The following CDYL2 variants were observed in gnomAD, a reference collection of about 807,000 sequenced individuals.
The protein encoded by CDYL2 is chromodomain Y like 2, also known as chromodomain Y-like protein 2.
In CDYL2, 23 loss-of-function variants were observed where a neutral mutation model predicts 49.4. The observed-to-expected ratio is 0.47, with a 90% CI of 0.34 to 0.66. The LOEUF is 0.66. Ranked by LOEUF, CDYL2 falls within the 30% of genes least tolerant of loss-of-function variation. The pLI is 0.01. For missense variants in CDYL2, 678 were observed against 656.4 expected, an observed-to-expected ratio of 1.03 and a Z score of -0.36; for synonymous variants, 360 against 268.8, an observed-to-expected ratio of 1.34 and a Z score of -3.32.
intron 1 of CDYL2, among the ~76,000 whole-genome samples, chr16:80,745,482 C>G (rs1021164100): frequency 1.3e-5 from 2 of 152,140 alleles, no homozygotes; most frequent in Admixed American, 1.3e-4. Context: ...AGAAAGCCAC[C>G]AGACCTTTCT....
At chr16:80,628,630 C>T (rs1415993386) in intron 3 of CDYL2, among the ~76,000 whole-genome samples, 1 of 152,100 alleles carries the variant, frequency 6.6e-6, no homozygotes, top group Non-Finnish European at 1.5e-5. Context: ...AGACAATAAA[C>T]GTGTGCTGTT....
At chr16:80,633,600 A>T (rs1256701783) in intron 2 of CDYL2, among the ~76,000 whole-genome samples, 2 of 152,224 alleles carry the variant, frequency 1.3e-5, no homozygotes, top group Non-Finnish European at 2.9e-5. Context: ...ATTATCAATA[A>T]GAGCAAGACC....
At chr16:80,739,545 C>A (rs112186465) in intron 1 of CDYL2, among the ~76,000 whole-genome samples, 10 of 152,130 alleles carry the variant, frequency 6.6e-5, no homozygotes, top group Non-Finnish European at 1.2e-4. Flanking sequence ...TAAGCCCCAG[C>A]GGGGCAGATT....
chr16:80,724,256 G>C (rs912563803), intron 1 of CDYL2, among the ~76,000 whole-genome samples: 2 of 149,750 alleles, frequency 1.3e-5, no homozygotes, highest in Admixed American at 6.6e-5. Flanking sequence ...AAGATGAGGA[G>C]AAAGAGGAAG....
At chr16:80,758,541 C>CT (rs58565125) in intron 1 of CDYL2, among the ~76,000 whole-genome samples, 32,051 of 117,040 alleles carry the variant, frequency 0.27, 5,483 homozygotes, top group Non-Finnish European at 0.33. Context: ...TGCTGCAGCA[C>CT]TTTTTTTTTT....
intron 1 of CDYL2, among the ~76,000 whole-genome samples, chr16:80,709,087 T>C (rs528941065): frequency 6.6e-6 from 1 of 152,118 alleles, no homozygotes; most frequent in African/African-American, 2.4e-5. Flanking sequence ...TCTCCTGTTT[T>C]GAAAATACAA....
rs9927148 is a variant in CDYL2 at position 80,780,660 on chromosome 16, C to T, written c.24+23490G>A. Reference sequence around the variant, plus strand: ...GACCTCATGATCCACCTGCTTCGGCCTCCCAAAGTGCTGGATTACAGGTGT... The same window carrying T: ...GACCTCATGATCCACCTGCTTCGGCTTCCCAAAGTGCTGGATTACAGGTGT... On this transcript the variant is annotated intron_variant, in intron 1 of 6. Coordinates refer to ENST00000570137, the MANE Select transcript of CDYL2 (RefSeq NM_152342.4). Among the ~76,000 whole-genome samples, 458 of 152,166 alleles carry T rather than the reference C, an allele frequency of 3.0e-3. 2 individuals are homozygous for T. Among genetic ancestry groups the T allele is most frequent in the African/African-American group, 0.011 (448 of 41,546 alleles).
At chr16:80,696,084 A>G (rs1032444378) in intron 1 of CDYL2, among the ~76,000 whole-genome samples, 1 of 152,262 alleles carries the variant, frequency 6.6e-6, no homozygotes, top group Non-Finnish European at 1.5e-5. Context: ...CTAGAAATCA[A>G]TAACAAGAAA....
chr16:80,697,436 C>T (rs557549620), intron 1 of CDYL2, among the ~76,000 whole-genome samples: 34 of 152,200 alleles, frequency 2.2e-4, no homozygotes, highest in Non-Finnish European at 3.8e-4. Flanking sequence ...ATTATAAAGG[C>T]CATATCTGAC....
chr16:80,800,323 A>T (rs540909434), intron 1 of CDYL2, among the ~76,000 whole-genome samples: 59 of 152,372 alleles, frequency 3.9e-4, no homozygotes, highest in African/African-American at 1.4e-3. Flanking sequence ...CTCTCTTAGA[A>T]GCAAATGCCC....
chr16:80,676,592 C>A (rs558167894), intron 2 of CDYL2, among the ~76,000 whole-genome samples: 2 of 152,178 alleles, frequency 1.3e-5, no homozygotes, highest in African/African-American at 4.8e-5. Flanking sequence ...AAGTTCAGGG[C>A]AAGGAATGAG....
chr16:80,722,727 T>G (rs1309890224), intron 1 of CDYL2, among the ~76,000 whole-genome samples: 1 of 152,196 alleles, frequency 6.6e-6, no homozygotes, highest in East Asian at 1.9e-4. Context: ...GTGCTCCTTC[T>G]TTGTACAGGG....
In CDYL2 at chr16:80,602,758, T is replaced by G. The variant is rs1051285985; in HGVS notation, c.*1630A>C. 1.3e-5 allele frequency: 2 copies of G among 152,186 alleles called. No homozygotes were observed. Among genetic ancestry groups the G allele is most frequent in the Non-Finnish European group, 1.5e-5 (1 of 68,084 alleles). 9.4% of individuals were successfully genotyped at this position (152,186 alleles called of 1,614,324 possible). ...GGGAAGAAGGGGAGGGCCAAGGGCC[T>G]CCAGGAATACGCAGGGGCTGTGATA... On this transcript the variant is annotated 3_prime_UTR_variant, in exon 7 of 7. Coordinates refer to ENST00000570137, the MANE Select transcript of CDYL2 (RefSeq NM_152342.4).
chr16:80,685,440 G>C (rs998757818), intron 1 of CDYL2, among the ~76,000 whole-genome samples: 2 of 152,196 alleles, frequency 1.3e-5, no homozygotes, highest in Non-Finnish European at 2.9e-5. Flanking sequence ...TGCCTTGCAA[G>C]GTTTCACAAG....
intron 1 of CDYL2, among the ~76,000 whole-genome samples, chr16:80,756,349 A>AAC (rs60818381): frequency 6.6e-6 from 1 of 152,130 alleles, no homozygotes; most frequent in Non-Finnish European, 1.5e-5. Flanking sequence ...AGAAAACACA[A>AAC]ACACACACAA....
At chr16:80,608,999 G>A (rs911675505) in intron 5 of CDYL2, among the ~76,000 whole-genome samples, 9 of 152,282 alleles carry the variant, frequency 5.9e-5, no homozygotes, top group African/African-American at 1.9e-4. Context: ...TACCAAGGCA[G>A]AGACGTGCAT....
At chr16:80,668,014 A>T (rs926160351) in intron 2 of CDYL2, among the ~76,000 whole-genome samples, 1 of 152,228 alleles carries the variant, frequency 6.6e-6, no homozygotes, top group African/African-American at 2.4e-5. Flanking sequence ...ATGCTCACCC[A>T]CATTTAGAAA....
At chr16:80,661,816 G>A (rs1373015738) in intron 2 of CDYL2, among the ~76,000 whole-genome samples, 5 of 152,182 alleles carry the variant, frequency 3.3e-5, no homozygotes, top group African/African-American at 1.2e-4. Context: ...ACACCTGCTT[G>A]AAGACCCTAC....
chr16:80,665,710 G>A (rs902189961), intron 2 of CDYL2, among the ~76,000 whole-genome samples: 5 of 152,114 alleles, frequency 3.3e-5, no homozygotes, highest in Admixed American at 1.3e-4. Context: ...GCTTCCAGAG[G>A]TCCACAGTGG....
Sources: gnomAD v4.1 joint callset for allele counts (sites outside exome capture counted in the v4.1 genomes callset) on GRCh38, gnomAD v4.1.1 for gene constraint, MANE v1.5 for transcripts, NCBI Gene and HGNC (gene_info 2026-07-23, HGNC 2026-07-21) for gene names.